DPP10: variants seen among roughly 807,000 people sequenced by gnomAD.
DPP10 encodes dipeptidyl peptidase like 10.
In DPP10, 33 loss-of-function variants were observed where a neutral mutation model predicts 120.9. The observed-to-expected ratio is 0.27, with a 90% CI of 0.21 to 0.37. The LOEUF (loss-of-function observed/expected upper bound fraction) is 0.37, where lower values mean the gene tolerates loss of function less well. Ranked by LOEUF, DPP10 falls within the 10% of genes least tolerant of loss-of-function variation. The pLI is 1.00. For synonymous variants in DPP10, 337 were observed against 326.1 expected, an observed-to-expected ratio of 1.03 and a Z score of -0.36; for missense variants, 816 against 942.8, an observed-to-expected ratio of 0.87 and a Z score of 1.76.
chr2:114,588,943 T>C (rs1691224304), intron 1 of DPP10, among the ~76,000 whole-genome samples: 1 of 151,536 alleles, frequency 6.6e-6, no homozygotes, highest in Non-Finnish European at 1.5e-5. Context: ...AAAACTCATG[T>C]ATCTGATTCT....
chr2:115,522,053 T>C (rs142549750), intron 4 of DPP10, among the ~76,000 whole-genome samples: 1,719 of 152,270 alleles, frequency 0.011, 27 homozygotes, highest in African/African-American at 0.038. Flanking sequence ...CCCAAGTATA[T>C]TTAGGATTGA....
chr2:114,581,245 C>T (rs540562217), intron 1 of DPP10, among the ~76,000 whole-genome samples: 131 of 124,912 alleles, frequency 1.0e-3, no homozygotes, highest in South Asian at 5.2e-4. Context: ...AGTGCAGTGG[C>T]GCATCTTGGC....
At chr2:115,302,397 T>A (rs1226581595) in intron 1 of DPP10, among the ~76,000 whole-genome samples, 1 of 151,740 alleles carries the variant, frequency 6.6e-6, no homozygotes, top group African/African-American at 2.4e-5. Flanking sequence ...ACAAATTAAT[T>A]GTAAAAAAAC....
At chr2:114,962,757 A>G (rs116130903) in intron 1 of DPP10, among the ~76,000 whole-genome samples, 2,576 of 152,298 alleles carry the variant, frequency 0.017, 39 homozygotes, top group Admixed American at 0.038. Context: ...ATGTGGAGCG[A>G]AAGGGTTGCA....
At chr2:115,548,279 A>G (rs1158608979) in intron 5 of DPP10, among the ~76,000 whole-genome samples, 2 of 152,150 alleles carry the variant, frequency 1.3e-5, no homozygotes, top group African/African-American at 2.4e-5. Flanking sequence ...TACCAACCAG[A>G]AAAGTGGAAT....
chr2:115,683,958 G>A (rs1014695544), intron 5 of DPP10, among the ~76,000 whole-genome samples: 5 of 151,670 alleles, frequency 3.3e-5, no homozygotes, highest in Non-Finnish European at 7.4e-5. Flanking sequence ...ATAAAAAATC[G>A]CTTGTACTAC....
chr2:115,581,577 A>G (rs1230529243), intron 5 of DPP10, among the ~76,000 whole-genome samples: 2 of 152,142 alleles, frequency 1.3e-5, no homozygotes, highest in African/African-American at 2.4e-5. Flanking sequence ...AAATAAACCA[A>G]TGCTGGCCCT....
chr2:115,162,537 G>T (rs1012911076), intron 1 of DPP10, among the ~76,000 whole-genome samples: 5 of 152,160 alleles, frequency 3.3e-5, no homozygotes, highest in African/African-American at 9.6e-5. Context: ...GAGGAGACGG[G>T]TGTGTGTTTG....
At chr2:114,657,673 T>C (rs950579063) in intron 1 of DPP10, among the ~76,000 whole-genome samples, 1 of 152,216 alleles carries the variant, frequency 6.6e-6, no homozygotes, top group African/African-American at 2.4e-5. Context: ...CTGTGGGTGA[T>C]ATGTGAGGCT....
intron 1 of DPP10, among the ~76,000 whole-genome samples, chr2:114,641,623 C>T (rs1481338236): frequency 6.6e-6 from 1 of 151,910 alleles, no homozygotes; most frequent in Non-Finnish European, 1.5e-5. Flanking sequence ...TTGGCCACAA[C>T]TAAAGTATAT....
intron 5 of DPP10, among the ~76,000 whole-genome samples, chr2:115,529,242 T>C (rs547539048): frequency 4.4e-4 from 67 of 152,126 alleles, no homozygotes; most frequent in African/African-American, 1.5e-3. Context: ...CGATCTCTGC[T>C]CACTGCAACC....
chr2:115,506,666 A>G (rs902958797), intron 4 of DPP10, among the ~76,000 whole-genome samples: 1 of 152,130 alleles, frequency 6.6e-6, no homozygotes, highest in African/African-American at 2.4e-5. Context: ...GTATGTTTGT[A>G]TGTATTTATT....
chr2:114,700,560 A>T (rs1700328297), intron 1 of DPP10, among the ~76,000 whole-genome samples: 1 of 152,112 alleles, frequency 6.6e-6, no homozygotes, highest in Non-Finnish European at 1.5e-5. Flanking sequence ...TTACATCCAC[A>T]TCACAAACAC....
At chr2:115,031,326 A>C (rs1294064877) in intron 1 of DPP10, among the ~76,000 whole-genome samples, 1 of 152,216 alleles carries the variant, frequency 6.6e-6, no homozygotes, top group African/African-American at 2.4e-5. Context: ...GGCACTGACT[A>C]TTCAATCTTT....
At position 115,378,437 on chromosome 2, in the gene DPP10, T is replaced by G. The variant is rs563149986; in HGVS notation, c.271+34525T>G. 1.4e-4 allele frequency among the ~76,000 whole-genome samples: 22 copies of G among 151,782 alleles called. No individual in the cohort carries two copies. The East Asian group carries it at 4.2e-3, about 29-fold the overall frequency. ...AGACTTTGCTAAGTTGCTTATCAGC[T>G]TAAGGAGATTTTGGGCTGAGACAAT... On this transcript the variant is annotated intron_variant, in intron 3 of 25. Transcript: ENST00000410059.
At chr2:115,526,312 T>C (rs1392136665) in intron 5 of DPP10, 3 of 181,732 alleles carry the variant, frequency 1.7e-5, no homozygotes, top group African/African-American at 7.1e-5. Flanking sequence ...GTTTCATGTG[T>C]GTACAGATTA....
chr2:115,231,369 T>A (rs1203985634), intron 1 of DPP10, among the ~76,000 whole-genome samples: 1 of 152,176 alleles, frequency 6.6e-6, no homozygotes, highest in Non-Finnish European at 1.5e-5. Context: ...CATATGCTAA[T>A]GAACATTTAC....
intron 3 of DPP10, among the ~76,000 whole-genome samples, chr2:115,435,691 C>A (rs562195867): frequency 6.6e-6 from 1 of 151,940 alleles, no homozygotes; most frequent in East Asian, 1.9e-4. Context: ...TCTGCAGAAG[C>A]TTTTTGGCTT....
At chr2:114,831,526 C>G (rs1445772451) in intron 1 of DPP10, among the ~76,000 whole-genome samples, 1 of 152,156 alleles carries the variant, frequency 6.6e-6, no homozygotes, top group Admixed American at 6.5e-5. Context: ...GTTTTAATTA[C>G]AGGCATTGAG....
Sources: gnomAD v4.1 joint callset for allele counts (sites outside exome capture counted in the v4.1 genomes callset) on GRCh38, gnomAD v4.1.1 for gene constraint, MANE v1.5 for transcripts, NCBI Gene and HGNC (gene_info 2026-07-23, HGNC 2026-07-21) for gene names.